SMAD4: variants seen among roughly 807,000 people sequenced by gnomAD.
SMAD4 encodes the protein MAD homolog 4.
In SMAD4, 7 loss-of-function variants were observed where a neutral mutation model predicts 63.2. The ratio of observed to expected loss-of-function variants is 0.11; its 90% CI spans 0.06 to 0.21. The LOEUF (loss-of-function observed/expected upper bound fraction) is 0.21, where lower values mean the gene tolerates loss of function less well. Ranked by LOEUF, SMAD4 falls within the 10% of genes least tolerant of loss-of-function variation. The probability of loss-of-function intolerance (pLI) is 1.00; values close to 1 mark genes in which losing one functional copy is unlikely to be tolerated. For missense variants in SMAD4, 312 were observed against 693.8 expected, an observed-to-expected ratio of 0.45 and a Z score of 6.18; for synonymous variants, 215 against 235.4, an observed-to-expected ratio of 0.91 and a Z score of 0.79.
intron 10 of SMAD4, among the ~76,000 whole-genome samples, chr18:51,073,285 G>A (rs1910365631): frequency 6.8e-6 from 1 of 147,918 alleles, no homozygotes; most frequent in South Asian, 2.2e-4. Context: ...CGTGGGGGTG[G>A]GGGAGTGTTA....
In SMAD4 at chr18:51,047,067, G is replaced by A. The variant is rs142292491; in HGVS notation, c.21G>A (p.Thr7=). Residue 7 remains threonine (T), a synonymous_variant, in exon 2 of 12, where the codon ACG becomes ACA. Coordinates refer to ENST00000342988, the MANE Select transcript of SMAD4 (RefSeq NM_005359.6). ...AACAAATGGACAATATGTCTATTAC[G>A]AATACACCAACAAGTAATGATGCCT... MDNMSI[T]NTPTSNDACL... 165 of 1,613,538 alleles carry A rather than the reference G, an allele frequency of 1.0e-4. 1 individual carries two copies. The highest frequency in any genetic ancestry group is 1.3e-4 in the Non-Finnish European group (148 of 1,179,660).
rs1406947861 is a variant in SMAD4 at position 51,067,142 on chromosome 18, A to G, written c.1263A>G (p.Ala421=). The part of the protein sequence containing the change: ...SYYLDREAGR[A]PGDAVHKIYP... ...ACTTAGACAGAGAAGCTGGGCGTGC[A>G]CCTGGAGATGCTGTTCATAAGATCT... is the stretch of plus-strand genomic sequence containing the variant. Residue 421 remains alanine, a synonymous_variant, in exon 10 of 12, where the codon GCA becomes GCG. Transcript: ENST00000342988. 1.2e-6 allele frequency: 2 copies of G among 1,609,856 alleles called. No individual in the cohort carries two copies. Among genetic ancestry groups the G allele is most frequent in the East Asian group, 2.2e-5 (1 of 44,842 alleles).
At chr18:51,064,490 A>G (rs1180793437) in intron 8 of SMAD4, among the ~76,000 whole-genome samples, 1 of 152,238 alleles carries the variant, frequency 6.6e-6, no homozygotes, top group Non-Finnish European at 1.5e-5. Context: ...CTGTGTATGC[A>G]GTGCCTAGAA....
chr18:51,062,483 T>C (rs914858331), intron 8 of SMAD4, among the ~76,000 whole-genome samples: 10 of 152,060 alleles, frequency 6.6e-5, no homozygotes, highest in African/African-American at 2.4e-4. Flanking sequence ...TTTTTTGCTC[T>C]TTTATTTATT....
intron 1 of SMAD4, among the ~76,000 whole-genome samples, chr18:51,040,682 G>T (rs960865833): frequency 6.6e-6 from 1 of 152,140 alleles, no homozygotes; most frequent in Non-Finnish European, 1.5e-5. Context: ...TGGTTATTTG[G>T]CTTTCTCGTC....
intron 8 of SMAD4, among the ~76,000 whole-genome samples, chr18:51,063,487 A>G (rs868372758): frequency 2.0e-5 from 3 of 152,180 alleles, no homozygotes; most frequent in Middle Eastern, 3.4e-3. Flanking sequence ...CTCATGGCCC[A>G]CTGCAGCCCT....
rs79208698 is a variant in SMAD4 at position 51,069,585 on chromosome 18, T to G, written c.1308+2398T>G. On this transcript the variant is annotated intron_variant, in intron 10 of 11. Transcript: ENST00000342988. ...TTTGCCTTACCCTGGCATCTGGGATTCACATCTCAGAACCAAATCTTATAA... is the reference window on the plus strand; with the variant it reads ...TTTGCCTTACCCTGGCATCTGGGATGCACATCTCAGAACCAAATCTTATAA... Among the ~76,000 whole-genome samples the G allele has an allele frequency of 7.7e-3, 1,168 of 152,352 alleles. 17 individuals are homozygous for G. The highest frequency in any genetic ancestry group is 0.026 in the African/African-American group (1,099 of 41,580).
chr18:51,046,753 C>T (rs1027715290), intron 1 of SMAD4, among the ~76,000 whole-genome samples, 167 bp from the exon 2 acceptor site: 1 of 151,976 alleles, frequency 6.6e-6, no homozygotes, highest in Non-Finnish European at 1.5e-5. Context: ...TTTTTAATGG[C>T]TAATATTTTG....
At chr18:51,075,029 G>A (rs1352233588) in intron 10 of SMAD4, among the ~76,000 whole-genome samples, 2 of 152,104 alleles carry the variant, frequency 1.3e-5, no homozygotes, top group Non-Finnish European at 2.9e-5. Context: ...CTTTACTAAA[G>A]TATTTTAGGA....
chr18:51,041,387 C>G (rs1909377516), intron 1 of SMAD4, among the ~76,000 whole-genome samples: 1 of 152,182 alleles, frequency 6.6e-6, no homozygotes, highest in Admixed American at 6.5e-5. Context: ...TCTTTGTCTC[C>G]CTCATCCCTA....
intron 9 of SMAD4, among the ~76,000 whole-genome samples, chr18:51,066,547 C>T (rs1954645727): frequency 6.6e-6 from 1 of 152,110 alleles, no homozygotes; most frequent in Admixed American, 6.6e-5. Context: ...ATAGAATTTT[C>T]TGTGATGAAG....
Position 51,079,363 on chromosome 18 carries a change from A to C in SMAD4, c.*896A>C, listed in dbSNP as rs907168748. 11 of 233,416 alleles carry C rather than the reference A, an allele frequency of 4.7e-5. No individual in the cohort carries two copies. The highest frequency in any genetic ancestry group is 6.8e-5 in the Non-Finnish European group (8 of 117,914). 14.5% of individuals were successfully genotyped at this position (233,416 alleles called of 1,614,324 possible). A position where few individuals can be genotyped will look rare whatever the true frequency, so the allele number is the denominator to read the frequency against. ...GCAGCGTCACTCTACCTAATGTCTCACTGTTCTGCAAAGGTGGCAATGCTT... is the reference window on the plus strand; with the variant it reads ...GCAGCGTCACTCTACCTAATGTCTCCCTGTTCTGCAAAGGTGGCAATGCTT... On this transcript the variant is annotated 3_prime_UTR_variant, in exon 12 of 12. Transcript: ENST00000342988.
chr18:51,045,669 T>C (rs867847052), intron 1 of SMAD4, among the ~76,000 whole-genome samples: 12 of 152,226 alleles, frequency 7.9e-5, no homozygotes, highest in African/African-American at 2.7e-4. Flanking sequence ...AATTCACTAT[T>C]TGAAAGTGTA....
intron 10 of SMAD4, among the ~76,000 whole-genome samples, chr18:51,067,886 C>A (rs1471329633): frequency 1.3e-5 from 2 of 152,150 alleles, no homozygotes. Context: ...AAATTAAGAA[C>A]CTGATAAGCC....
chr18:51,062,848 CTTG>C (rs1166930442), intron 8 of SMAD4, among the ~76,000 whole-genome samples: 22 of 83,604 alleles, frequency 2.6e-4, no homozygotes, highest in African/African-American at 9.3e-4. Flanking sequence ...TCTGGCTTTA[CTTG>C]TTTTTTTTTT....
chr18:51,067,818 T>G (rs569399632), intron 10 of SMAD4, among the ~76,000 whole-genome samples: 28 of 152,334 alleles, frequency 1.8e-4, no homozygotes, highest in Admixed American at 6.5e-4. Context: ...CTCTGGACTT[T>G]CATCTTAGCC....
At chr18:51,066,886 T>G in intron 9 of SMAD4, 133 bp from the exon 10 acceptor site, 5 of 692,600 alleles carry the variant, frequency 7.2e-6, no homozygotes, top group African/African-American at 3.6e-5. Flanking sequence ...TACAAAAATG[T>G]TAATAGCTAT....
At position 51,084,078 on chromosome 18, in the gene SMAD4, C is replaced by CGAAAGCCT. The variant is rs1910688168; in HGVS notation, c.*5611_*5612insGAAAGCCT. ...TTTAAGGCTTTCGAGTCATGACATT[C>CGAAAGCCT]TAGCTTTTGAATTGCGTGCACACAC... On this transcript the variant is annotated 3_prime_UTR_variant, in exon 12 of 12. Coordinates refer to ENST00000342988, the MANE Select transcript of SMAD4 (RefSeq NM_005359.6). 4.3e-6 allele frequency: 1 copy of CGAAAGCCT among 230,622 alleles called. No homozygotes were observed. The highest frequency in any genetic ancestry group is 5.7e-5 in the Admixed American group (1 of 17,628). The allele number at this position is 230,622 out of a possible 1,614,324, so 14.3% of individuals were successfully genotyped here.
intron 2 of SMAD4, among the ~76,000 whole-genome samples, chr18:51,047,912 T>G (rs1268245961): frequency 1.3e-5 from 2 of 152,064 alleles, no homozygotes; most frequent in Non-Finnish European, 2.9e-5. Context: ...CCCAGTCGTG[T>G]TGTTTTCTTT....
Sources: gnomAD v4.1 joint callset for allele counts (sites outside exome capture counted in the v4.1 genomes callset) on GRCh38, gnomAD v4.1.1 for gene constraint, MANE v1.5 for transcripts, NCBI Gene and HGNC (gene_info 2026-07-23, HGNC 2026-07-21) for gene names.